The following NRG4 variants were observed in gnomAD, a reference collection of about 807,000 sequenced individuals.
The protein encoded by NRG4 is pro-neuregulin-4, membrane-bound isoform.
Under a neutral mutation model 15.0 loss-of-function variants are expected in NRG4, and 10 were observed. That is an observed-to-expected ratio of 0.67 (90% CI 0.41 to 1.13). The LOEUF (loss-of-function observed/expected upper bound fraction) is 1.13. Ranked by LOEUF, NRG4 falls within the 50% of genes most tolerant of loss-of-function variation. The pLI, the probability that NRG4 is intolerant of heterozygous loss-of-function variation, is 0.00. For synonymous variants in NRG4, 41 were observed against 50.1 expected (o/e 0.82, Z 0.77); for missense variants, 139 against 140.2 (o/e 0.99, Z 0.04).
In NRG4 at chr15:75,942,934, T is replaced by C. The variant is rs2031149001; in HGVS notation, c.*704A>G. ...AACTGCATTCTGAAAAATCATGCAC[T>C]AAAAATTACAAGGGAAATAGGTTTG... On this transcript the variant is annotated 3_prime_UTR_variant, in exon 6 of 6. Coordinates refer to ENST00000394907, the MANE Select transcript of NRG4 (RefSeq NM_138573.4). 1 of 152,208 alleles carries C rather than the reference T, an allele frequency of 6.6e-6. No homozygotes were observed. Among genetic ancestry groups the C allele is most frequent in the South Asian group, 2.1e-4 (1 of 4,834 alleles). The allele number at this position is 152,208 out of a possible 1,614,324, so 9.4% of individuals were successfully genotyped here. A position where few individuals can be genotyped will look rare whatever the true frequency, so the allele number is the denominator to read the frequency against.
chr15:76,050,038 A>G (rs1474097546), intron 4 of NRG4, among the ~76,000 whole-genome samples: 2 of 151,142 alleles, frequency 1.3e-5, no homozygotes, highest in Admixed American at 1.3e-4. Context: ...CTGTGCTCCT[A>G]AAATAACTAT....
chr15:76,015,366 C>T (rs977171698), upstream of NRG4, among the ~76,000 whole-genome samples: 2 of 152,094 alleles, frequency 1.3e-5, no homozygotes, highest in Non-Finnish European at 2.9e-5. Flanking sequence ...TGGCCAGAAC[C>T]TCCAATACTA....
chr15:75,936,210 A>C (rs1463848831), downstream of NRG4: 5 of 152,244 alleles, frequency 3.3e-5, no homozygotes, highest in African/African-American at 7.2e-5. Context: ...ATGGGAACAG[A>C]AGACTCCAGA....
chr15:75,940,455 T>G, downstream of NRG4: 3 of 88,274 alleles, frequency 3.4e-5, no homozygotes, highest in East Asian at 9.4e-4. Context: ...ATCCTAGGAT[T>G]TTTTTTTTTT....
chr15:75,949,058 CAAA>C (rs1184193918), intron 5 of NRG4, among the ~76,000 whole-genome samples: 4 of 152,110 alleles, frequency 2.6e-5, no homozygotes, highest in Admixed American at 6.5e-5. Context: ...CTGTCTCAAA[CAAA>C]GAAGTCTACA....
chr15:76,028,979 C>T (rs1337961659), intron 5 of NRG4, among the ~76,000 whole-genome samples: 2 of 148,032 alleles, frequency 1.4e-5, no homozygotes, highest in Non-Finnish European at 3.0e-5. Context: ...GATAGCAAAA[C>T]CAGACAAGAA....
rs2035679986 is a variant in NRG4 at position 76,039,553 on chromosome 15, A to C, written c.-104-3562T>G. On this transcript the variant is annotated intron_variant, in intron 4 of 8. Transcript: ENST00000563910. ...GAATTTGTGAGCTTGAAGACAGGCT[A>C]TTTGAAAATACAGTTAGAGATTAAA... 2.0e-5 allele frequency among the ~76,000 whole-genome samples: 3 copies of C among 152,306 alleles called. No homozygotes were observed. In the South Asian group the frequency reaches 6.2e-4, roughly 32 times the overall value.
At chr15:76,027,707 C>T (rs1239289117) in intron 5 of NRG4, among the ~76,000 whole-genome samples, 1 of 152,120 alleles carries the variant, frequency 6.6e-6, no homozygotes, top group East Asian at 1.9e-4. Context: ...ACATAATTTT[C>T]AGAACGTTTC....
chr15:76,002,930 T>C (rs1334546956), intron 3 of NRG4, among the ~76,000 whole-genome samples: 1 of 152,110 alleles, frequency 6.6e-6, no homozygotes, highest in African/African-American at 2.4e-5. Flanking sequence ...GGGCAAAATA[T>C]CAGTCTGGAA....
At chr15:75,964,071 GA>G (rs2032670658) in intron 3 of NRG4, among the ~76,000 whole-genome samples, 1 of 152,000 alleles carries the variant, frequency 6.6e-6, no homozygotes, top group South Asian at 2.1e-4. Flanking sequence ...GGAGAAAAAA[GA>G]TTAGATGAAA....
chr15:76,017,475 T>G (rs888232241), intron 5 of NRG4, among the ~76,000 whole-genome samples: 1 of 152,186 alleles, frequency 6.6e-6, no homozygotes, highest in African/African-American at 2.4e-5. Context: ...GCTGTACCAG[T>G]TTTTCCTTTC....
At chr15:76,016,175 G>A (rs2034969110), upstream of NRG4, among the ~76,000 whole-genome samples, 1 of 152,100 alleles carries the variant, frequency 6.6e-6, no homozygotes, top group Non-Finnish European at 1.5e-5. Flanking sequence ...TTATATTTCT[G>A]TGGGATCAGT....
chr15:76,046,335 A>T (rs1387945259), intron 4 of NRG4, among the ~76,000 whole-genome samples: 1 of 151,194 alleles, frequency 6.6e-6, no homozygotes, highest in African/African-American at 2.5e-5. Flanking sequence ...GTTCTTTATA[A>T]AAATAGGAAA....
At chr15:75,964,421 G>A (rs2141820215) in intron 3 of NRG4, among the ~76,000 whole-genome samples, 1 of 152,226 alleles carries the variant, frequency 6.6e-6, no homozygotes, top group Middle Eastern at 3.4e-3. Context: ...TTTTAGCTGT[G>A]AGAGCAATTC....
At chr15:76,044,183 T>C (rs1009208476) in intron 4 of NRG4, among the ~76,000 whole-genome samples, 2 of 150,740 alleles carry the variant, frequency 1.3e-5, no homozygotes, top group African/African-American at 4.9e-5. Context: ...TTTGTATTTT[T>C]AGTAGAGACA....
chr15:76,033,796 C>T (rs1015285471), intron 5 of NRG4, among the ~76,000 whole-genome samples: 2 of 152,194 alleles, frequency 1.3e-5, no homozygotes, highest in African/African-American at 4.8e-5. Context: ...TTACCCCAGC[C>T]CTGTCTGACC....
Position 75,949,747 on chromosome 15 carries a change from A to T in NRG4, c.332-6093T>A, listed in dbSNP as rs537541203. ...GCTCTTATATTTAGACCCATTTTGAATTTTTTTTGTGCATGGTAAAGGGTC... is the reference window on the plus strand; with the variant it reads ...GCTCTTATATTTAGACCCATTTTGATTTTTTTTTGTGCATGGTAAAGGGTC... On this transcript the variant is annotated intron_variant, in intron 5 of 5. Transcript: ENST00000394907. Among the ~76,000 whole-genome samples, 3 of 152,018 alleles carry T rather than the reference A, an allele frequency of 2.0e-5. No individual in the cohort carries two copies. In the East Asian group the frequency reaches 5.8e-4, roughly 29 times the overall value.
chr15:76,015,394 G>T (rs1443183176), upstream of NRG4, among the ~76,000 whole-genome samples: 1 of 152,222 alleles, frequency 6.6e-6, no homozygotes, highest in East Asian at 1.9e-4. Flanking sequence ...TAGGAATGGT[G>T]AGAGAGGGCA....
chr15:76,048,688 A>G (rs2035930808), intron 4 of NRG4, among the ~76,000 whole-genome samples: 1 of 150,586 alleles, frequency 6.6e-6, no homozygotes, highest in East Asian at 1.9e-4. Flanking sequence ...CCTCTCATAC[A>G]TACCTGGGTC....
Sources: gnomAD v4.1 joint callset for allele counts (sites outside exome capture counted in the v4.1 genomes callset) on GRCh38, gnomAD v4.1.1 for gene constraint, MANE v1.5 for transcripts, NCBI Gene and HGNC (gene_info 2026-07-23, HGNC 2026-07-21) for gene names.